Variants in TULP4 observed in about 807,000 individuals in gnomAD.
The protein encoded by TULP4 is TUB like protein 4.
TULP4 carries 16 observed loss-of-function variants against 129.0 expected under a neutral mutation model. The ratio of observed to expected loss-of-function variants is 0.12; its 90% CI spans 0.08 to 0.19. The LOEUF is 0.19. TULP4 is among the 10% of genes least tolerant of loss of function. The probability of loss-of-function intolerance (pLI) is 1.00; values close to 1 mark genes in which losing one functional copy is unlikely to be tolerated. For missense variants in TULP4, 1,842 were observed against 2,059.1 expected (o/e 0.89, Z 2.04); for synonymous variants, 998 against 854.0 (o/e 1.17, Z -2.94).
chr6:158,352,124 G>A (rs1211418563), intron 1 of TULP4, among the ~76,000 whole-genome samples: 1 of 152,160 alleles, frequency 6.6e-6, no homozygotes, highest in Admixed American at 6.5e-5. Context: ...TTTTGGGGCT[G>A]CAGTCTCAAA....
upstream of TULP4, among the ~76,000 whole-genome samples, chr6:158,279,025 C>T (rs1218797991): frequency 1.3e-5 from 2 of 150,400 alleles, no homozygotes; most frequent in South Asian, 2.1e-4. Flanking sequence ...CTGCAAGCTC[C>T]GCCTCCTGGG....
chr6:158,262,615 C>G (rs1293767401), intron 1 of TULP4, among the ~76,000 whole-genome samples: 2 of 152,114 alleles, frequency 1.3e-5, no homozygotes, highest in African/African-American at 4.8e-5. Flanking sequence ...TGAACTGTTA[C>G]CCCTCCCTGC....
intron 6 of TULP4, among the ~76,000 whole-genome samples, chr6:158,478,528 A>T (rs1779870143): frequency 1.3e-5 from 2 of 152,194 alleles, no homozygotes; most frequent in Non-Finnish European, 1.5e-5. Flanking sequence ...CCCTGTGTGG[A>T]ATCATCTCAT....
intron 1 of TULP4, among the ~76,000 whole-genome samples, chr6:158,290,202 C>A (rs1211985292): frequency 6.6e-6 from 1 of 152,154 alleles, no homozygotes; most frequent in Non-Finnish European, 1.5e-5. Context: ...TATTTTCTGA[C>A]TCTTTTAGTA....
In TULP4 at chr6:158,481,405, A is replaced by T. The variant is rs1014141170; in HGVS notation, c.1486+116A>T. On this transcript the variant is annotated intron_variant, in intron 8 of 13. Transcript: ENST00000367097. ...AATGAAACGTGAGCCTGTGGGGGCT[A>T]GTGTGGAACATCCTTGAAGCTACGA... is the stretch of plus-strand genomic sequence containing the variant. The T allele has an allele frequency of 6.7e-6, 6 of 890,018 alleles. No homozygotes were observed. In the East Asian group the frequency reaches 8.0e-5, roughly 12 times the overall value. The allele number at this position is 890,018 out of a possible 1,614,324, so 55.1% of individuals were successfully genotyped here.
At chr6:158,266,847 G>A (rs1174521879) in intron 1 of TULP4, among the ~76,000 whole-genome samples, 2 of 152,074 alleles carry the variant, frequency 1.3e-5, no homozygotes, top group South Asian at 2.1e-4. Context: ...GAGGGACAAC[G>A]GTATAATTCA....
intron 12 of TULP4, among the ~76,000 whole-genome samples, chr6:158,501,342 A>G (rs1418850790): frequency 6.6e-6 from 1 of 152,154 alleles, no homozygotes; most frequent in Non-Finnish European, 1.5e-5. Flanking sequence ...AAGGGTGGGT[A>G]TTTTATGAAT....
chr6:158,324,523 T>C (rs1457392154), intron 1 of TULP4, among the ~76,000 whole-genome samples: 2 of 152,192 alleles, frequency 1.3e-5, no homozygotes, highest in African/African-American at 2.4e-5. Context: ...CTAGACTCTG[T>C]TGGGCTTTGG....
intron 1 of TULP4, among the ~76,000 whole-genome samples, chr6:158,268,796 G>C (rs1778496592): frequency 6.6e-6 from 1 of 152,210 alleles, no homozygotes; most frequent in East Asian, 1.9e-4. Context: ...ATTTTTATAT[G>C]ACTTTTTTCT....
intron 6 of TULP4, among the ~76,000 whole-genome samples, chr6:158,466,598 T>C (rs1779559319): frequency 6.6e-6 from 1 of 152,240 alleles, no homozygotes; most frequent in Non-Finnish European, 1.5e-5. Context: ...CAGTATAATA[T>C]TTTGAGCAAA....
At chr6:158,311,613 A>G (rs543856414), upstream of TULP4, among the ~76,000 whole-genome samples, 10 of 152,296 alleles carry the variant, frequency 6.6e-5, no homozygotes, top group Middle Eastern at 3.4e-3. Flanking sequence ...TTGAGGGAAT[A>G]TCTTTTATTA....
intron 1 of TULP4, among the ~76,000 whole-genome samples, chr6:158,300,491 A>G (rs1779113593): frequency 6.6e-6 from 1 of 152,216 alleles, no homozygotes; most frequent in Non-Finnish European, 1.5e-5. Context: ...GTTCCGCCAC[A>G]GCTTGTCCCT....
At chr6:158,477,759 G>T (rs1388583126) in intron 6 of TULP4, among the ~76,000 whole-genome samples, 4 of 152,032 alleles carry the variant, frequency 2.6e-5, no homozygotes, top group African/African-American at 7.2e-5. Flanking sequence ...CCATTACTGG[G>T]TATATACCCA....
intron 1 of TULP4, 116 bp from the exon 2 acceptor site, chr6:158,412,949 A>G (rs341158): frequency 0.31 from 431,730 of 1,393,916 alleles, 73,489 homozygotes; most frequent in Non-Finnish European, 0.35. Flanking sequence ...ATTCGCCCCC[A>G]GTCTTCTCCC....
At chr6:158,239,406 G>C (rs1436740731) in intron 1 of TULP4, among the ~76,000 whole-genome samples, 1 of 62,998 alleles carries the variant, frequency 1.6e-5, no homozygotes. Flanking sequence ...CTGGCCGGGC[G>C]GGGGGCTGAC....
At chr6:158,298,631 C>T (rs1779079936) in intron 1 of TULP4, among the ~76,000 whole-genome samples, 1 of 152,190 alleles carries the variant, frequency 6.6e-6, no homozygotes, top group Admixed American at 6.5e-5. Context: ...CGGGAGTTAA[C>T]ACAAGTGTAT....
chr6:158,388,322 CTTTTT>C (rs10650311), intron 1 of TULP4, among the ~76,000 whole-genome samples: 19 of 86,258 alleles, frequency 2.2e-4, no homozygotes, highest in East Asian at 1.3e-3. Context: ...GCTCGTTTTT[CTTTTT>C]TTTTTTTTTT....
At chr6:158,495,843 GAA>G (rs111929134) in intron 11 of TULP4, among the ~76,000 whole-genome samples, 8 of 137,430 alleles carry the variant, frequency 5.8e-5, no homozygotes, top group African/African-American at 1.1e-4. Context: ...TACGTCTCAA[GAA>G]AAAAAAAAAA....
intron 1 of TULP4, among the ~76,000 whole-genome samples, chr6:158,352,875 T>C (rs1337263302): frequency 6.6e-6 from 1 of 152,274 alleles, no homozygotes; most frequent in East Asian, 1.9e-4. Flanking sequence ...GTTAAATACA[T>C]ACATCTATTT....
Sources: allele counts gnomAD v4.1 joint callset (sites outside exome capture counted in the v4.1 genomes callset), GRCh38; gene constraint gnomAD v4.1.1; transcripts MANE v1.5; gene names NCBI Gene and HGNC (gene_info 2026-07-23, HGNC 2026-07-21).